The following PCDHGA8 variants were observed in gnomAD, a reference collection of about 807,000 sequenced individuals.
PCDHGA8 encodes protocadherin gamma-A8.
In PCDHGA8, 45 loss-of-function variants were observed where a neutral mutation model predicts 59.2. That is an observed-to-expected ratio of 0.76 (90% CI 0.60 to 0.98). The LOEUF (loss-of-function observed/expected upper bound fraction) is 0.98. PCDHGA8 is among the 50% of genes least tolerant of loss of function. The pLI is 0.00. For synonymous variants in PCDHGA8, 531 were observed against 519.0 expected (o/e 1.02, Z -0.32); for missense variants, 1,257 against 1,196.2 (o/e 1.05, Z -0.75).
chr5:141,446,415 T>C (rs1275165245), intron 1 of PCDHGA8, among the ~76,000 whole-genome samples: 2 of 152,046 alleles, frequency 1.3e-5, no homozygotes, highest in African/African-American at 4.8e-5. Flanking sequence ...GTTCCAGCCA[T>C]GTTCATTTGA....
At chr5:141,416,287 T>A (rs2096012467) in intron 1 of PCDHGA8, 1 of 152,276 alleles carries the variant, frequency 6.6e-6, no homozygotes, top group Admixed American at 6.5e-5. Flanking sequence ...ATTCTCTAAT[T>A]TCACACTGCT....
At position 141,511,146 on chromosome 5, in the gene PCDHGA8, G is replaced by T; in HGVS notation, c.2772G>T (p.Lys924Asn). 1 of 1,614,208 alleles carries T rather than the reference G, an allele frequency of 6.2e-7. No individual in the cohort carries two copies. Among genetic ancestry groups the T allele is most frequent in the Non-Finnish European group, 8.5e-7 (1 of 1,180,018 alleles). The change falls in exon 4 of 4, where the codon AAG becomes AAT. Residue 924 changes from lysine to asparagine, a missense_variant. Lys to Asn is a moderately conservative substitution (Grantham distance 94). Coordinates refer to ENST00000398604, the MANE Select transcript of PCDHGA8 (RefSeq NM_032088.2). Reference protein sequence around the residue: ...KAPAGGNGNKKKSGKKEKK With the variant: ...KAPAGGNGNKNKSGKKEKK The stretch of plus-strand genomic sequence containing the variant: ...CAGCAGGTGGCAATGGCAACAAGAA[G>T]AAGTCGGGCAAGAAGGAGAAGAAGT...
At chr5:141,461,312 C>T (rs1318872213) in intron 1 of PCDHGA8, among the ~76,000 whole-genome samples, 1 of 152,064 alleles carries the variant, frequency 6.6e-6, no homozygotes, top group African/African-American at 2.4e-5. Flanking sequence ...TGTTTTTTGA[C>T]TTTTTAATAA....
intron 3 of PCDHGA8, among the ~76,000 whole-genome samples, chr5:141,509,422 G>A (rs1181133903): frequency 3.3e-5 from 5 of 152,136 alleles, no homozygotes; most frequent in Non-Finnish European, 5.9e-5. Flanking sequence ...GCCCCAATGA[G>A]TCAAACTCTT....
chr5:141,393,498 C>T lies in PCDHGA8; in HGVS notation c.685C>T (p.His229Tyr), dbSNP rs780199451. The T allele has an allele frequency of 3.1e-6, 5 of 1,613,952 alleles. No homozygotes were observed. The highest frequency in any genetic ancestry group is 1.6e-4 in the Middle Eastern group (1 of 6,084). ...GCCTCGCTCTAGCACAGTGCGCATC[C>T]ACGTGACAGTGTTGGATACAAATGA... ...KPPRSSTVRI[H>Y]VTVLDTNDNA... is the part of the protein sequence containing the mutation. Residue 229 changes from histidine to tyrosine, a missense_variant, in exon 1 of 4, where the codon CAC (histidine) becomes TAC (tyrosine). Transcript: ENST00000398604.
intron 1 of PCDHGA8, among the ~76,000 whole-genome samples, chr5:141,438,747 T>C (rs2098059577): frequency 6.7e-6 from 1 of 148,680 alleles, no homozygotes. Flanking sequence ...CTGCAACCTC[T>C]GCCTCCTGGG....
chr5:141,488,158 G>A (rs534297140), intron 1 of PCDHGA8, among the ~76,000 whole-genome samples: 4 of 152,328 alleles, frequency 2.6e-5, no homozygotes, highest in South Asian at 2.1e-4. Context: ...AGAGAGGCAC[G>A]CATCAGAGTG....
chr5:141,404,676 T>G lies in PCDHGA8; in HGVS notation c.2424+9439T>G, dbSNP rs904942152. The stretch of plus-strand genomic sequence containing the variant: ...CTCCCCACTGATGGTTCTACTGGTG[T>G]GGAGCTGGCACCCCGCTCTGCAGAG... On this transcript the variant is annotated intron_variant, in intron 1 of 3. Transcript: ENST00000398604. 3.1e-6 allele frequency: 5 copies of G among 1,614,010 alleles called. No individual in the cohort carries two copies. In the African/African-American group the frequency reaches 6.7e-5, roughly 22 times the overall value.
chr5:141,497,877 G>C (rs1057284578), intron 2 of PCDHGA8, among the ~76,000 whole-genome samples: 6 of 152,148 alleles, frequency 3.9e-5, no homozygotes, highest in Admixed American at 2.6e-4. Context: ...AGTGAAATAA[G>C]CGTTAGGATC....
chr5:141,478,594 C>T, intron 1 of PCDHGA8: 2 of 1,569,448 alleles, frequency 1.3e-6, no homozygotes, highest in Non-Finnish European at 1.7e-6. Context: ...TTTTTTATTC[C>T]TACATCATAT....
intron 1 of PCDHGA8, chr5:141,418,683 CAG>C: frequency 6.2e-7 from 1 of 1,614,048 alleles, no homozygotes; most frequent in African/African-American, 1.3e-5. Flanking sequence ...GGCATCAACT[CAG>C]AGATCACTTA....
intron 2 of PCDHGA8, among the ~76,000 whole-genome samples, chr5:141,501,528 A>G (rs1173385747): frequency 6.6e-6 from 1 of 151,978 alleles, no homozygotes; most frequent in Non-Finnish European, 1.5e-5. Context: ...GAAGCCCAGT[A>G]CGTTGTTGTG....
At chr5:141,451,954 G>A (rs2098729151) in intron 1 of PCDHGA8, among the ~76,000 whole-genome samples, 1 of 152,084 alleles carries the variant, frequency 6.6e-6, no homozygotes, top group Non-Finnish European at 1.5e-5. Flanking sequence ...CCGAGAAAGT[G>A]ACATACCATC....
chr5:141,398,942 G>C (rs748252181), intron 1 of PCDHGA8: 1 of 1,613,766 alleles, frequency 6.2e-7, no homozygotes, highest in Non-Finnish European at 8.5e-7. Context: ...CAAGACGAGG[G>C]CATCAACTCA....
At position 141,423,482 on chromosome 5, in the gene PCDHGA8, A is replaced by T. The variant is rs553914622; in HGVS notation, c.2424+28245A>T. On this transcript the variant is annotated intron_variant, in intron 1 of 3. Transcript: ENST00000398604. ...GTGGACGGGGTACAGGCTTTCCTGC[A>T]AACCTATTCCCACGAGGTCTCTCTC... is the stretch of plus-strand genomic sequence containing the variant. 1.1e-5 allele frequency: 17 copies of T among 1,613,968 alleles called. No homozygotes were observed. The African/African-American group carries it at 2.3e-4, about 22-fold the overall frequency.
chr5:141,404,021 A>C lies in PCDHGA8; in HGVS notation c.2424+8784A>C, dbSNP rs192150782. 5 of 1,613,894 alleles carry C rather than the reference A, an allele frequency of 3.1e-6. No individual in the cohort carries two copies. The African/African-American group carries it at 4.0e-5, about 13-fold the overall frequency. ...CATTACATCTCTGTTTAGCCCAGTG[A>C]GAGAAGACGCACCTCAGGGAACAGT... On this transcript the variant is annotated intron_variant, in intron 1 of 3. Coordinates refer to ENST00000398604, the MANE Select transcript of PCDHGA8 (RefSeq NM_032088.2).
intron 1 of PCDHGA8, among the ~76,000 whole-genome samples, chr5:141,461,046 G>A (rs984653754): frequency 6.6e-6 from 1 of 151,578 alleles, no homozygotes; most frequent in Non-Finnish European, 1.5e-5. Context: ...AGTCGATGGG[G>A]ACTTAGGTTG....
intron 1 of PCDHGA8, chr5:141,423,343 C>T: frequency 6.2e-7 from 1 of 1,614,208 alleles, no homozygotes; most frequent in South Asian, 1.1e-5. Flanking sequence ...CTGCATCTTC[C>T]TGGTCTTTGT....
chr5:141,408,729 C>T (rs767933076), intron 1 of PCDHGA8: 9 of 1,610,240 alleles, frequency 5.6e-6, no homozygotes, highest in Non-Finnish European at 7.6e-6. Flanking sequence ...AACTCTAATC[C>T]TTATTTTTCA....
Sources: allele counts gnomAD v4.1 joint callset (sites outside exome capture counted in the v4.1 genomes callset), GRCh38; gene constraint gnomAD v4.1.1; transcripts MANE v1.5; gene names NCBI Gene and HGNC (gene_info 2026-07-23, HGNC 2026-07-21).